WDR72: variants seen among roughly 807,000 people sequenced by gnomAD.
WDR72 encodes WD repeat domain 72, also known as WD repeat-containing protein 72.
WDR72 carries 120 observed loss-of-function variants against 124.2 expected under a neutral mutation model. The ratio of observed to expected loss-of-function variants is 0.97; its 90% CI spans 0.83 to 1.12. WDR72 has a LOEUF of 1.12. Ranked by LOEUF, WDR72 falls within the 50% of genes most tolerant of loss-of-function variation. The pLI is 0.00. For synonymous variants in WDR72, 452 were observed against 441.7 expected, an observed-to-expected ratio of 1.02 and a Z score of -0.29; for missense variants, 1,387 against 1,278.8, an observed-to-expected ratio of 1.08 and a Z score of -1.29.
chr15:53,516,679 AGC>A lies in WDR72; in HGVS notation c.*1018_*1019del, dbSNP rs1261083887. 3.9e-5 allele frequency: 6 copies of A among 152,074 alleles called. No homozygotes were observed. The highest frequency in any genetic ancestry group is 7.4e-5 in the Non-Finnish European group (5 of 67,988). The allele number at this position is 152,074 out of a possible 1,614,324, so 9.4% of individuals were successfully genotyped here. A position where few individuals can be genotyped will look rare whatever the true frequency, so the allele number is the denominator to read the frequency against. The stretch of plus-strand genomic sequence containing the variant: ...ATTAGATACATAGATAGATAGATAT[AGC>A]TATATATCACATATTTAATACTTTA... On this transcript the variant is annotated 3_prime_UTR_variant, in exon 20 of 20. Coordinates refer to ENST00000360509, the MANE Select transcript of WDR72 (RefSeq NM_182758.4).
At chr15:53,758,598 G>T (rs1208384000) in intron 1 of WDR72, among the ~76,000 whole-genome samples, 1 of 152,034 alleles carries the variant, frequency 6.6e-6, no homozygotes, top group Non-Finnish European at 1.5e-5. Context: ...AGAAGTGGCC[G>T]CTTTCCTTTT....
chr15:53,581,697 A>T (rs571527788), intron 18 of WDR72, among the ~76,000 whole-genome samples: 47 of 152,158 alleles, frequency 3.1e-4, no homozygotes, highest in African/African-American at 1.1e-3. Flanking sequence ...AGCAGAAATT[A>T]TTTTGAAATA....
At chr15:53,682,859 G>A (rs1206173760) in intron 13 of WDR72, among the ~76,000 whole-genome samples, 2 of 152,064 alleles carry the variant, frequency 1.3e-5, no homozygotes. Context: ...CCAGTTCTCT[G>A]TATTAGTCTG....
intron 18 of WDR72, among the ~76,000 whole-genome samples, chr15:53,526,386 TG>T (rs767116540): frequency 6.6e-6 from 1 of 152,052 alleles, no homozygotes; most frequent in Non-Finnish European, 1.5e-5. Flanking sequence ...GAAAAGGGTG[TG>T]AACCTAGGCA....
At chr15:53,698,983 G>C (rs2017087074) in intron 13 of WDR72, among the ~76,000 whole-genome samples, 1 of 152,096 alleles carries the variant, frequency 6.6e-6, no homozygotes, top group Admixed American at 6.5e-5. Context: ...AAAATGCAAA[G>C]AAAATAGCAA....
intron 18 of WDR72, among the ~76,000 whole-genome samples, chr15:53,590,862 T>C (rs1446266286): frequency 1.3e-5 from 2 of 152,078 alleles, no homozygotes; most frequent in Admixed American, 6.6e-5. Context: ...ATTACTGTTG[T>C]TATTCCAGAA....
chr15:53,720,276 C>T (rs1422152638), intron 3 of WDR72, among the ~76,000 whole-genome samples: 2 of 152,154 alleles, frequency 1.3e-5, no homozygotes, highest in Non-Finnish European at 1.5e-5. Context: ...TCTTTACCCA[C>T]CTCTAGAACA....
intron 1 of WDR72, among the ~76,000 whole-genome samples, chr15:53,744,925 G>T (rs1480326854): frequency 6.6e-6 from 1 of 151,432 alleles, no homozygotes; most frequent in African/African-American, 2.4e-5. Context: ...CTCTCTTCAT[G>T]TTCTACCAAA....
chr15:53,712,859 C>A lies in WDR72; in HGVS notation c.624G>T (p.Lys208Asn). 1 of 1,613,676 alleles carries A rather than the reference C, an allele frequency of 6.2e-7. No homozygotes were observed. Among genetic ancestry groups the A allele is most frequent in the South Asian group, 1.1e-5 (1 of 91,026 alleles). ...EKQDVYEKES[K>N]FLESLNCQTI... The stretch of plus-strand genomic sequence containing the variant: ...TCTGGCAGTTCAAGGACTCAAGAAA[C>A]TTGGATTCTTTTTCATAGACATCTT... Residue 208 changes from lysine (K) to asparagine (N), a missense_variant, in exon 7 of 20, where the codon AAG (lysine) becomes AAT (asparagine). Transcript: ENST00000360509.
intron 18 of WDR72, among the ~76,000 whole-genome samples, chr15:53,547,568 A>G (rs1332805168): frequency 1.3e-5 from 2 of 152,196 alleles, no homozygotes; most frequent in African/African-American, 4.8e-5. Context: ...AGAGCTAAAT[A>G]TTTACACAAA....
chr15:53,699,705 C>T, intron 13 of WDR72, 45 bp downstream of exon 13: 2 of 1,595,192 alleles, frequency 1.3e-6, no homozygotes, highest in Non-Finnish European at 1.7e-6. Flanking sequence ...AATGCTTGTA[C>T]ATCATAAATA....
At chr15:53,712,944 G>A (rs544184357) in intron 6 of WDR72, 53 bp from the exon 7 acceptor site, 45 of 1,600,304 alleles carry the variant, frequency 2.8e-5, no homozygotes, top group Non-Finnish European at 3.8e-5. Flanking sequence ...TTCATACACA[G>A]CCATGAGAAG....
intron 13 of WDR72, 151 bp from the exon 14 acceptor site, chr15:53,665,919 C>G (rs763798484): frequency 2.4e-5 from 18 of 747,090 alleles, no homozygotes; most frequent in Non-Finnish European, 4.0e-5. Flanking sequence ...GGAGCTTTTC[C>G]TAAATTATTC....
chr15:53,600,218 G>A (rs184555073), intron 17 of WDR72, among the ~76,000 whole-genome samples: 1 of 152,180 alleles, frequency 6.6e-6, no homozygotes, highest in East Asian at 1.9e-4. Context: ...TTTATTGACA[G>A]TTTATAACTA....
At chr15:53,714,278 G>A (rs2017641076) in intron 6 of WDR72, among the ~76,000 whole-genome samples, 156 bp downstream of exon 6, 1 of 151,912 alleles carries the variant, frequency 6.6e-6, no homozygotes, top group African/African-American at 2.4e-5. Context: ...GCTCACCCCT[G>A]GGAAGATGGA....
intron 14 of WDR72, among the ~76,000 whole-genome samples, chr15:53,650,893 G>GTTTTTTTTTTTTTT (rs71297666): frequency 9.4e-6 from 1 of 106,782 alleles, no homozygotes; most frequent in Non-Finnish European, 1.8e-5. Context: ...CTCTAATTCA[G>GTTTTTTTTTTTTTT]TTTTTTTTTT....
intron 14 of WDR72, among the ~76,000 whole-genome samples, chr15:53,649,997 G>A (rs528854343): frequency 5.3e-5 from 8 of 152,272 alleles, no homozygotes; most frequent in Non-Finnish European, 8.8e-5. Flanking sequence ...GCATGTCTAT[G>A]TTTATTGCAG....
chr15:53,523,637 T>C (rs1179451996), intron 18 of WDR72, among the ~76,000 whole-genome samples: 2 of 151,968 alleles, frequency 1.3e-5, no homozygotes, highest in Non-Finnish European at 2.9e-5. Flanking sequence ...TCTAAAACAA[T>C]ATAGTCAATT....
chr15:53,623,810 A>G (rs907980570), intron 14 of WDR72, among the ~76,000 whole-genome samples: 1 of 152,192 alleles, frequency 6.6e-6, no homozygotes. Context: ...TATACACTGT[A>G]TAAGTATTCC....
Sources: allele counts gnomAD v4.1 joint callset (sites outside exome capture counted in the v4.1 genomes callset), GRCh38; gene constraint gnomAD v4.1.1; transcripts MANE v1.5; gene names NCBI Gene and HGNC (gene_info 2026-07-23, HGNC 2026-07-21).